The following RBKS variants were observed in gnomAD, a reference collection of about 807,000 sequenced individuals.
RBKS encodes ribokinase.
In RBKS, 33 loss-of-function variants were observed where a neutral mutation model predicts 33.9. The observed-to-expected ratio is 0.97, with a 90% CI of 0.74 to 1.30. The LOEUF is 1.30. Among genes scored for constraint, RBKS ranks in the 50% most tolerant of loss-of-function variants. RBKS has a pLI of 0.00. For synonymous variants in RBKS, 125 were observed against 143.0 expected, an observed-to-expected ratio of 0.87 and a Z score of 0.90; for missense variants, 361 against 392.6, an observed-to-expected ratio of 0.92 and a Z score of 0.68.
At chr2:27,843,411 A>G (rs1221917937) in intron 4 of RBKS, among the ~76,000 whole-genome samples, 180 bp from the exon 5 acceptor site, 1 of 152,192 alleles carries the variant, frequency 6.6e-6, no homozygotes, top group Non-Finnish European at 1.5e-5. Context: ...ATCTTTTATA[A>G]TATCTCTGTA....
At chr2:27,883,339 A>AG (rs2148233102) in intron 1 of RBKS, among the ~76,000 whole-genome samples, 1 of 152,194 alleles carries the variant, frequency 6.6e-6, no homozygotes, top group Admixed American at 6.5e-5. Context: ...AGCTGGGACT[A>AG]CAGGCGTCTG....
intron 7 of RBKS, among the ~76,000 whole-genome samples, chr2:27,787,642 TAG>T (rs2148181211): frequency 6.6e-6 from 1 of 152,254 alleles, no homozygotes; most frequent in Non-Finnish European, 1.5e-5. Context: ...AACTCTAGAC[TAG>T]ATGGCTTCGC....
rs537919793 is a variant in RBKS at position 27,800,952 on chromosome 2, C to T, written c.796-19164G>A. 3.3e-5 allele frequency among the ~76,000 whole-genome samples: 5 copies of T among 152,312 alleles called. No individual in the cohort carries two copies. The South Asian group carries it at 6.2e-4, about 19-fold the overall frequency. ...AGAGGGAGAACACTGAGAGAGGCGT[C>T]TGGACAGAGGCCTAGAGCTGGGGCG... is the stretch of plus-strand genomic sequence containing the variant. On this transcript the variant is annotated intron_variant, in intron 7 of 7. Transcript: ENST00000302188.
intron 6 of RBKS, 46 bp downstream of exon 6, chr2:27,832,640 C>G: frequency 1.6e-6 from 2 of 1,270,110 alleles, no homozygotes; most frequent in East Asian, 2.3e-5. Flanking sequence ...TCCACTTGTA[C>G]AAACTTTTGG....
chr2:27,802,082 C>T (rs1215669997), intron 7 of RBKS, among the ~76,000 whole-genome samples: 1 of 138,108 alleles, frequency 7.2e-6, no homozygotes, highest in African/African-American at 2.7e-5. Flanking sequence ...AGGCAATCCA[C>T]CTGCCTTTGC....
chr2:27,855,164 G>A (rs2148217661), intron 2 of RBKS, among the ~76,000 whole-genome samples: 2 of 151,996 alleles, frequency 1.3e-5, no homozygotes, highest in Middle Eastern at 6.8e-3. Flanking sequence ...GCCTGCATCA[G>A]TATCACCTCT....
chr2:27,802,133 C>T (rs1472834586), intron 7 of RBKS, among the ~76,000 whole-genome samples: 2 of 149,764 alleles, frequency 1.3e-5, no homozygotes, highest in African/African-American at 4.9e-5. Context: ...CCACTGTGCC[C>T]CACCACCATA....
intron 7 of RBKS, among the ~76,000 whole-genome samples, chr2:27,809,444 C>T (rs1015095363): frequency 6.6e-6 from 1 of 152,070 alleles, no homozygotes; most frequent in Non-Finnish European, 1.5e-5. Flanking sequence ...ATCCTGAGAG[C>T]GAGCTAAAAA....
At chr2:27,878,286 C>G (rs1664354403) in intron 1 of RBKS, among the ~76,000 whole-genome samples, 1 of 151,266 alleles carries the variant, frequency 6.6e-6, no homozygotes, top group Admixed American at 6.6e-5. Flanking sequence ...GTGGTGTTTG[C>G]TTTTTGTTCT....
chr2:27,818,171 G>A (rs1678134571), intron 7 of RBKS, among the ~76,000 whole-genome samples: 1 of 152,156 alleles, frequency 6.6e-6, no homozygotes, highest in Non-Finnish European at 1.5e-5. Context: ...GAACAATCAG[G>A]TATATAGGGA....
intron 7 of RBKS, among the ~76,000 whole-genome samples, chr2:27,808,155 A>G (rs1573041427): frequency 6.6e-6 from 1 of 152,370 alleles, no homozygotes; most frequent in East Asian, 1.9e-4. Flanking sequence ...GGTTGAGTGC[A>G]AAATCAAAGT....
chr2:27,818,296 A>G (rs1441150727), intron 7 of RBKS, among the ~76,000 whole-genome samples: 3 of 152,202 alleles, frequency 2.0e-5, no homozygotes, highest in African/African-American at 7.2e-5. Flanking sequence ...CAAAGTAAGC[A>G]AGGCCTTTTC....
At chr2:27,851,884 A>C (rs1011969956) in intron 2 of RBKS, among the ~76,000 whole-genome samples, 1 of 152,118 alleles carries the variant, frequency 6.6e-6, no homozygotes, top group Non-Finnish European at 1.5e-5. Flanking sequence ...CACCCAAACT[A>C]TTCTAGAATG....
At chr2:27,784,915 C>T (rs1677370242) in intron 7 of RBKS, among the ~76,000 whole-genome samples, 1 of 152,106 alleles carries the variant, frequency 6.6e-6, no homozygotes. Flanking sequence ...TCTCAGTTTG[C>T]AGCACAGCAG....
At chr2:27,881,239 T>A (rs1400016231) in intron 1 of RBKS, among the ~76,000 whole-genome samples, 2 of 144,854 alleles carry the variant, frequency 1.4e-5, no homozygotes, top group Admixed American at 1.4e-4. Flanking sequence ...AAGAGCAAGA[T>A]CCTGTCTCAA....
chr2:27,800,899 C>T (rs2148188533), intron 7 of RBKS, among the ~76,000 whole-genome samples: 1 of 152,282 alleles, frequency 6.6e-6, no homozygotes, highest in East Asian at 1.9e-4. Flanking sequence ...AAATCCATTC[C>T]CCATGCTTTC....
chr2:27,822,493 C>T (rs1573048414), intron 7 of RBKS, among the ~76,000 whole-genome samples: 1 of 152,034 alleles, frequency 6.6e-6, no homozygotes, highest in Non-Finnish European at 1.5e-5. Flanking sequence ...CGGGCCAGAC[C>T]CCAGGATGAG....
chr2:27,849,266 TC>T (rs1398936372), intron 2 of RBKS, among the ~76,000 whole-genome samples: 2 of 151,890 alleles, frequency 1.3e-5, no homozygotes, highest in Non-Finnish European at 2.9e-5. Context: ...ATTAACAAAG[TC>T]CTGACTAGCT....
At chr2:27,880,352 A>G (rs1371204360) in intron 1 of RBKS, among the ~76,000 whole-genome samples, 2 of 152,210 alleles carry the variant, frequency 1.3e-5, no homozygotes, top group African/African-American at 4.8e-5. Context: ...ATTTCCTTTG[A>G]AAACCAGCAC....
Sources: gnomAD v4.1 joint callset for allele counts (sites outside exome capture counted in the v4.1 genomes callset) on GRCh38, gnomAD v4.1.1 for gene constraint, MANE v1.5 for transcripts, NCBI Gene and HGNC (gene_info 2026-07-23, HGNC 2026-07-21) for gene names.